The following ZDHHC14 variants were observed in gnomAD, a reference collection of about 807,000 sequenced individuals.
ZDHHC14 encodes the protein zDHHC palmitoyltransferase 14.
Under a neutral mutation model 47.7 loss-of-function variants are expected in ZDHHC14, and 16 were observed. The observed-to-expected ratio is 0.34, with a 90% CI of 0.23 to 0.51. The LOEUF (loss-of-function observed/expected upper bound fraction) is 0.51, where lower values mean the gene tolerates loss of function less well. ZDHHC14 is among the 20% of genes least tolerant of loss of function. The pLI is 0.97. For missense variants in ZDHHC14, 515 were observed against 662.5 expected, an observed-to-expected ratio of 0.78 and a Z score of 2.44; for synonymous variants, 293 against 278.9, an observed-to-expected ratio of 1.05 and a Z score of -0.50.
intron 1 of ZDHHC14, among the ~76,000 whole-genome samples, chr6:157,510,708 G>A (rs879397057): frequency 2.6e-5 from 4 of 152,236 alleles, no homozygotes; most frequent in Admixed American, 2.6e-4. Flanking sequence ...GGTGGGCAGA[G>A]AGGAAGCGCG....
At chr6:157,574,402 G>A (rs1783220084) in intron 2 of ZDHHC14, among the ~76,000 whole-genome samples, 1 of 152,290 alleles carries the variant, frequency 6.6e-6, no homozygotes, top group East Asian at 1.9e-4. Flanking sequence ...CAGGCTGGGT[G>A]ACAGAGTGAG....
chr6:157,527,175 A>G (rs2114776493), intron 1 of ZDHHC14, among the ~76,000 whole-genome samples: 1 of 152,194 alleles, frequency 6.6e-6, no homozygotes, highest in South Asian at 2.1e-4. Flanking sequence ...CAGCTGAGCC[A>G]CCCTGCAACT....
Position 157,382,398 on chromosome 6 carries a change from C to A in ZDHHC14, c.245+132C>A, listed in dbSNP as rs1199405827. On this transcript the variant is annotated intron_variant, in intron 1 of 8. Coordinates refer to ENST00000359775, the MANE Select transcript of ZDHHC14 (RefSeq NM_024630.3). ...TTGTTATATAATGCCAGTCTGCGCT[C>A]CCTCTTTTTTCTTTTAAAGGTCTGA... 13 of 1,126,512 alleles carry A rather than the reference C, an allele frequency of 1.2e-5. No individual in the cohort carries two copies. The Middle Eastern group carries it at 1.1e-3, about 100-fold the overall frequency. The allele number at this position is 1,126,512 out of a possible 1,614,324, so 69.8% of individuals were successfully genotyped here.
At chr6:157,530,771 G>A (rs951283298) in intron 1 of ZDHHC14, among the ~76,000 whole-genome samples, 3 of 152,076 alleles carry the variant, frequency 2.0e-5, no homozygotes, top group African/African-American at 7.2e-5. Flanking sequence ...ATTGTTTAGT[G>A]AGTTTGTGGG....
chr6:157,598,391 G>A (rs1037405921), intron 3 of ZDHHC14, among the ~76,000 whole-genome samples: 3 of 152,088 alleles, frequency 2.0e-5, no homozygotes, highest in Non-Finnish European at 4.4e-5. Context: ...GATTCTCCTG[G>A]TTTCCGCTAT....
chr6:157,645,810 A>G lies in ZDHHC14; in HGVS notation c.826A>G (p.Ile276Val). Residue 276 changes from isoleucine (I) to valine (V), a missense_variant, in exon 6 of 9, where the codon ATC becomes GTC. Ile to Val is a conservative substitution (Grantham distance 29, BLOSUM62 3). Transcript: ENST00000359775. ...CCTCTCAGGATTCCACACCTACTTG[A>G]TCAGCTCCAACCAGACAACAAATGA... ...VGLSGFHTYL[I>V]SSNQTTNEDI... The G allele has an allele frequency of 6.2e-7, 1 of 1,614,106 alleles. No homozygotes were observed. Among genetic ancestry groups the G allele is most frequent in the Non-Finnish European group, 8.5e-7 (1 of 1,180,012 alleles).
At chr6:157,549,266 C>T (rs551448547) in intron 2 of ZDHHC14, among the ~76,000 whole-genome samples, 11 of 152,338 alleles carry the variant, frequency 7.2e-5, no homozygotes, top group Non-Finnish European at 1.3e-4. Context: ...CCTAGTATGC[C>T]GCGGCCGGCG....
At chr6:157,481,436 G>T (rs533817145) in intron 1 of ZDHHC14, among the ~76,000 whole-genome samples, 3 of 152,246 alleles carry the variant, frequency 2.0e-5, no homozygotes, top group African/African-American at 4.8e-5. Flanking sequence ...ACAGTGAGGT[G>T]CTGGTCAAGA....
intron 1 of ZDHHC14, among the ~76,000 whole-genome samples, chr6:157,492,915 G>C (rs1779963639): frequency 6.6e-6 from 1 of 152,150 alleles, no homozygotes; most frequent in Non-Finnish European, 1.5e-5. Flanking sequence ...AGCAAGAAAG[G>C]CTGTGGGAAG....
At chr6:157,536,491 A>G (rs942947369) in intron 1 of ZDHHC14, among the ~76,000 whole-genome samples, 6 of 152,224 alleles carry the variant, frequency 3.9e-5, no homozygotes, top group African/African-American at 7.2e-5. Context: ...TCTCTGCTAT[A>G]TCTTGTTAAT....
At chr6:157,511,051 C>T (rs1018036450) in intron 1 of ZDHHC14, among the ~76,000 whole-genome samples, 3 of 152,240 alleles carry the variant, frequency 2.0e-5, no homozygotes, top group African/African-American at 7.2e-5. Flanking sequence ...CCGCAGCCTC[C>T]GCCTCAGAGC....
chr6:157,412,478 A>C (rs760041672), intron 1 of ZDHHC14, among the ~76,000 whole-genome samples: 3 of 152,022 alleles, frequency 2.0e-5, no homozygotes, highest in Non-Finnish European at 4.4e-5. Flanking sequence ...TTTTTAATAG[A>C]GGCAGGGTTT....
intron 1 of ZDHHC14, among the ~76,000 whole-genome samples, chr6:157,509,642 A>G (rs1426646405): frequency 6.6e-6 from 1 of 152,204 alleles, no homozygotes; most frequent in Non-Finnish European, 1.5e-5. Context: ...AGGTGTATTC[A>G]TATTTTGAAA....
At chr6:157,580,706 T>C (rs1303888762) in intron 2 of ZDHHC14, among the ~76,000 whole-genome samples, 1 of 123,896 alleles carries the variant, frequency 8.1e-6, no homozygotes, top group Non-Finnish European at 1.6e-5. Flanking sequence ...CTGGGTTTTT[T>C]GTGTTTTGTG....
At chr6:157,507,199 T>C (rs953083743) in intron 1 of ZDHHC14, among the ~76,000 whole-genome samples, 1 of 152,176 alleles carries the variant, frequency 6.6e-6, no homozygotes, top group African/African-American at 2.4e-5. Flanking sequence ...GATTTTTAAA[T>C]TATTTTGCAC....
intron 2 of ZDHHC14, among the ~76,000 whole-genome samples, chr6:157,585,374 G>C (rs1448315784): frequency 1.3e-5 from 2 of 149,948 alleles, no homozygotes; most frequent in Non-Finnish European, 3.0e-5. Flanking sequence ...AAGAGGCAGA[G>C]GCACAACTGT....
In ZDHHC14 at chr6:157,455,398, T is replaced by A. The variant is rs535492282; in HGVS notation, c.245+73132T>A. Among the ~76,000 whole-genome samples the A allele has an allele frequency of 2.6e-5, 4 of 152,302 alleles. No homozygotes were observed. In the East Asian group the frequency reaches 5.8e-4, roughly 22 times the overall value. On this transcript the variant is annotated intron_variant, in intron 1 of 8. Transcript: ENST00000359775. ...AGGAAAGCGTTCTGGCCTGGAAGGGTGACGCTGGCATGGGGGTTCCTGTTG... is the reference window on the plus strand; with the variant it reads ...AGGAAAGCGTTCTGGCCTGGAAGGGAGACGCTGGCATGGGGGTTCCTGTTG...
chr6:157,396,354 A>G (rs1393290560), intron 1 of ZDHHC14, among the ~76,000 whole-genome samples: 2 of 152,174 alleles, frequency 1.3e-5, no homozygotes, highest in African/African-American at 4.8e-5. Context: ...AAAGCAATTT[A>G]TCATCTTGAA....
chr6:157,670,077 GC>G (rs1307811269), intron 8 of ZDHHC14, among the ~76,000 whole-genome samples: 1 of 152,146 alleles, frequency 6.6e-6, no homozygotes, highest in Non-Finnish European at 1.5e-5. Flanking sequence ...ATGGGAGAGC[GC>G]CCGCAGCCTA....
Sources: allele counts gnomAD v4.1 joint callset (sites outside exome capture counted in the v4.1 genomes callset), GRCh38; gene constraint gnomAD v4.1.1; transcripts MANE v1.5; gene names NCBI Gene and HGNC (gene_info 2026-07-23, HGNC 2026-07-21).